The following PVT1 variants were observed in gnomAD, a reference collection of about 807,000 sequenced individuals.
The protein encoded by PVT1 is Pvt1 oncogene.
intron 4 of PVT1, among the ~76,000 whole-genome samples, chr8:128,053,004 C>G (rs1228205773): frequency 1.3e-5 from 2 of 152,206 alleles, no homozygotes; most frequent in East Asian, 3.8e-4. Context: ...CTTCTAGTAA[C>G]CACCCCAGCA....
At chr8:127,844,022 A>T (rs1815002759) in intron 2 of PVT1, among the ~76,000 whole-genome samples, 1 of 151,038 alleles carries the variant, frequency 6.6e-6, no homozygotes, top group African/African-American at 2.4e-5. Flanking sequence ...TTGCTCTGTC[A>T]CCCAGGCTGT....
intron 3 of PVT1, among the ~76,000 whole-genome samples, chr8:127,945,252 A>T (rs16902490): frequency 6.6e-6 from 1 of 151,982 alleles, no homozygotes; most frequent in Non-Finnish European, 1.5e-5. Context: ...ACATCCGCAC[A>T]TGCTTTCTTG....
intron 4 of PVT1, among the ~76,000 whole-genome samples, chr8:128,041,196 C>T (rs111162834): frequency 0.031 from 4,108 of 134,316 alleles, 186 homozygotes; most frequent in African/African-American, 0.11. Flanking sequence ...TGCTTGTGTT[C>T]GTGTGTTTGC....
intron 2 of PVT1, among the ~76,000 whole-genome samples, chr8:127,798,864 A>C (rs1468686681): frequency 6.6e-6 from 1 of 152,096 alleles, no homozygotes; most frequent in African/African-American, 2.4e-5. Context: ...ATAGAGTAAG[A>C]CTTTGTCTCA....
chr8:128,020,892 C>T (rs2130053360), intron 4 of PVT1, among the ~76,000 whole-genome samples: 1 of 152,318 alleles, frequency 6.6e-6, no homozygotes. Context: ...AGCTCACTTT[C>T]AGGTGTCTCA....
intron 2 of PVT1, among the ~76,000 whole-genome samples, chr8:127,838,390 C>A (rs986959995): frequency 2.0e-5 from 3 of 152,022 alleles, no homozygotes; most frequent in African/African-American, 7.2e-5. Context: ...GGAGGAATAT[C>A]AAGTAAACCC....
chr8:128,073,001 T>G (rs1481754267), intron 5 of PVT1, among the ~76,000 whole-genome samples: 1 of 151,948 alleles, frequency 6.6e-6, no homozygotes, highest in Admixed American at 6.6e-5. Flanking sequence ...GCCTAGCTAA[T>G]TTTTGTATTT....
In PVT1 at chr8:127,862,053, C is replaced by T. The variant is rs560122098; in HGVS notation, n.373-28536C>T. Among the ~76,000 whole-genome samples the T allele has an allele frequency of 2.0e-5, 3 of 152,302 alleles. No homozygotes were observed. The South Asian group carries it at 6.2e-4, about 32-fold the overall frequency. On this transcript the variant is annotated intron_variant and non_coding_transcript_variant, in intron 2 of 10. Transcript: ENST00000651587. ...ACTCCACAGGCAATATTAGGGGTTG[C>T]TGAGGCAGCCTCCAATAGTGTGAGC...
At chr8:128,063,267 C>A (rs1813854534) in intron 4 of PVT1, among the ~76,000 whole-genome samples, 1 of 152,106 alleles carries the variant, frequency 6.6e-6, no homozygotes, top group Non-Finnish European at 1.5e-5. Flanking sequence ...AATCCCAGCA[C>A]TTTGGGATTC....
chr8:127,977,489 T>C (rs1409448956), intron 3 of PVT1, among the ~76,000 whole-genome samples: 1 of 152,168 alleles, frequency 6.6e-6, no homozygotes, highest in East Asian at 1.9e-4. Context: ...CCCAGCACTT[T>C]TGGGAGGCTG....
At chr8:127,863,798 C>T (rs1260554839) in intron 2 of PVT1, among the ~76,000 whole-genome samples, 3 of 152,198 alleles carry the variant, frequency 2.0e-5, no homozygotes, top group African/African-American at 7.2e-5. Context: ...CCTGGCAGAT[C>T]TGGGACCCGG....
At chr8:127,825,013 G>A (rs1198566065) in intron 2 of PVT1, among the ~76,000 whole-genome samples, 7 of 150,836 alleles carry the variant, frequency 4.6e-5, no homozygotes, top group African/African-American at 7.3e-5. Context: ...CCAGCTACTC[G>A]GAAGGCTAAG....
intron 5 of PVT1, among the ~76,000 whole-genome samples, chr8:128,081,835 C>A (rs974744019): frequency 9.9e-5 from 15 of 152,192 alleles, no homozygotes; most frequent in African/African-American, 2.4e-5. Context: ...TAACTAGTAA[C>A]AGAACCAAGG....
chr8:127,995,119 C>T (rs1817090108), intron 4 of PVT1, among the ~76,000 whole-genome samples: 1 of 152,184 alleles, frequency 6.6e-6, no homozygotes, highest in African/African-American at 2.4e-5. Context: ...GCTCACCAGG[C>T]TGGTTTGATT....
chr8:128,101,050 A>G (rs1458107231), intron 6 of PVT1: 2 of 152,082 alleles, frequency 1.3e-5, no homozygotes, highest in African/African-American at 4.8e-5. Context: ...ATTCAGCCCA[A>G]CAGGAGGACA....
At chr8:127,972,785 G>A (rs1374308080) in intron 3 of PVT1, among the ~76,000 whole-genome samples, 2 of 152,046 alleles carry the variant, frequency 1.3e-5, no homozygotes, top group East Asian at 1.9e-4. Flanking sequence ...CCAGGGTTCC[G>A]CTCCCAGAGA....
At chr8:128,099,079 G>T (rs2130179610) in intron 6 of PVT1, among the ~76,000 whole-genome samples, 1 of 152,286 alleles carries the variant, frequency 6.6e-6, no homozygotes, top group South Asian at 2.1e-4. Context: ...ACTCCGAGAT[G>T]AAGTGACTCA....
intron 3 of PVT1, among the ~76,000 whole-genome samples, chr8:127,895,244 G>A (rs1399748557): frequency 6.6e-6 from 1 of 152,190 alleles, no homozygotes; most frequent in Non-Finnish European, 1.5e-5. Flanking sequence ...GCCGAGGTGG[G>A]CAGATCACCT....
At chr8:127,864,314 C>A (rs889401852) in intron 2 of PVT1, among the ~76,000 whole-genome samples, 1 of 152,120 alleles carries the variant, frequency 6.6e-6, no homozygotes, top group Non-Finnish European at 1.5e-5. Flanking sequence ...GCCAGTCCCC[C>A]GCTGCATGAG....
Sources: gnomAD v4.1 joint callset for allele counts (sites outside exome capture counted in the v4.1 genomes callset) on GRCh38, gnomAD v4.1.1 for gene constraint, MANE v1.5 for transcripts, NCBI Gene and HGNC (gene_info 2026-07-23, HGNC 2026-07-21) for gene names.